The following FBXL20 variants were observed in gnomAD, a reference collection of about 807,000 sequenced individuals.
The protein encoded by FBXL20 is F-box/LRR-repeat protein 20.
In FBXL20, 11 loss-of-function variants were observed where a neutral mutation model predicts 64.0. That is an observed-to-expected ratio of 0.17 (90% CI 0.11 to 0.28). The LOEUF is 0.28. Among genes scored for constraint, FBXL20 ranks in the 10% least tolerant of loss-of-function variants. FBXL20 has a pLI of 1.00. For synonymous variants in FBXL20, 184 were observed against 189.0 expected, an observed-to-expected ratio of 0.97 and a Z score of 0.22; for missense variants, 303 against 526.2, an observed-to-expected ratio of 0.58 and a Z score of 4.15.
intron 1 of FBXL20, among the ~76,000 whole-genome samples, chr17:39,392,166 G>A (rs868270902): frequency 4.6e-5 from 7 of 152,128 alleles, no homozygotes; most frequent in African/African-American, 4.8e-5. Context: ...ACAGCCAGGC[G>A]CAGTGGCTCA....
rs562709820 is a variant in FBXL20 at position 39,388,630 on chromosome 17, C to T, written c.42+12731G>A. 1.1e-4 allele frequency among the ~76,000 whole-genome samples: 17 copies of T among 151,072 alleles called. No individual in the cohort carries two copies. In the East Asian group the frequency reaches 3.2e-3, roughly 29 times the overall value. On this transcript the variant is annotated intron_variant, in intron 1 of 14. Coordinates refer to ENST00000264658, the MANE Select transcript of FBXL20 (RefSeq NM_032875.3). ...TCCCGAGTAGCTGGGACAACAGGCGCCCGCCACCATGCCCAGCTAATTTTT... is the reference window on the plus strand; with the variant it reads ...TCCCGAGTAGCTGGGACAACAGGCGTCCGCCACCATGCCCAGCTAATTTTT...
intron 1 of FBXL20, among the ~76,000 whole-genome samples, chr17:39,400,158 C>A (rs750919719): frequency 6.6e-6 from 1 of 152,178 alleles, no homozygotes; most frequent in Admixed American, 6.5e-5. Flanking sequence ...AAGGCCAATT[C>A]TTTGATTTTC....
At chr17:39,299,589 G>A (rs921159363) in intron 4 of FBXL20, among the ~76,000 whole-genome samples, 1 of 150,944 alleles carries the variant, frequency 6.6e-6, no homozygotes, top group Non-Finnish European at 1.5e-5. Context: ...ACACCATCCT[G>A]GCTAACACGG....
chr17:39,374,315 G>A (rs902719620), intron 1 of FBXL20, among the ~76,000 whole-genome samples: 1 of 151,862 alleles, frequency 6.6e-6, no homozygotes, highest in Non-Finnish European at 1.5e-5. Context: ...GATCGCTTGA[G>A]GTTGGGAGTT....
At chr17:39,322,088 G>T (rs914558353) in intron 2 of FBXL20, among the ~76,000 whole-genome samples, 2 of 149,178 alleles carry the variant, frequency 1.3e-5, no homozygotes, top group Non-Finnish European at 2.9e-5. Context: ...ATGCCTGGAA[G>T]GCCAAGGCAG....
intron 12 of FBXL20, among the ~76,000 whole-genome samples, chr17:39,267,050 C>T (rs919472094): frequency 7.9e-5 from 12 of 151,880 alleles, no homozygotes; most frequent in Non-Finnish European, 1.3e-4. Flanking sequence ...GTCAGGAGTT[C>T]GAGACCAGCC....
At chr17:39,318,478 C>T (rs553934157) in intron 2 of FBXL20, among the ~76,000 whole-genome samples, 6 of 152,256 alleles carry the variant, frequency 3.9e-5, no homozygotes, top group East Asian at 1.9e-4. Flanking sequence ...CGGTGGCTCA[C>T]GCCTGTAATC....
At chr17:39,402,055 G>A, upstream of FBXL20, 2 of 922,242 alleles carry the variant, frequency 2.2e-6, no homozygotes, top group Non-Finnish European at 2.8e-6. Flanking sequence ...GCACGCACCT[G>A]CCTGCACAGA....
intron 14 of FBXL20, among the ~76,000 whole-genome samples, chr17:39,263,311 T>C (rs888800766): frequency 3.9e-5 from 6 of 152,176 alleles, no homozygotes; most frequent in African/African-American, 1.4e-4. Flanking sequence ...GCTCAGGAGT[T>C]TGAAACCGGC....
At chr17:39,262,103 G>T (rs1015510300) in intron 14 of FBXL20, among the ~76,000 whole-genome samples, 1 of 151,898 alleles carries the variant, frequency 6.6e-6, no homozygotes, top group Non-Finnish European at 1.5e-5. Flanking sequence ...TGGTTGACCT[G>T]TGGCTCTCAT....
At chr17:39,286,595 T>C (rs1042738035) in intron 6 of FBXL20, among the ~76,000 whole-genome samples, 2 of 152,124 alleles carry the variant, frequency 1.3e-5, no homozygotes, top group African/African-American at 4.8e-5. Flanking sequence ...GGTCAGGAGT[T>C]CTAGACCAGC....
intron 2 of FBXL20, among the ~76,000 whole-genome samples, chr17:39,326,263 G>A (rs1022789273): frequency 3.3e-5 from 5 of 151,790 alleles, no homozygotes; most frequent in African/African-American, 1.2e-4. Flanking sequence ...TTATGGCAAT[G>A]CAAACGGACT....
At chr17:39,330,972 TGCAAAGA>T (rs2047454749) in intron 2 of FBXL20, among the ~76,000 whole-genome samples, 1 of 152,232 alleles carries the variant, frequency 6.6e-6, no homozygotes, top group South Asian at 2.1e-4. Context: ...CTAGGTACTA[TGCAAAGA>T]GCTTGGGCCT....
At chr17:39,340,435 G>A (rs1385894828) in intron 2 of FBXL20, among the ~76,000 whole-genome samples, 1 of 151,980 alleles carries the variant, frequency 6.6e-6, no homozygotes. Flanking sequence ...TCACCATGTT[G>A]GCCAGGCTGG....
chr17:39,339,349 C>T (rs2144562554), intron 2 of FBXL20, among the ~76,000 whole-genome samples: 1 of 152,072 alleles, frequency 6.6e-6, no homozygotes, highest in Middle Eastern at 3.4e-3. Flanking sequence ...GTACCTGAGT[C>T]CCAGCTACTT....
chr17:39,279,636 C>A (rs1377240797), intron 9 of FBXL20, among the ~76,000 whole-genome samples: 2 of 152,178 alleles, frequency 1.3e-5, no homozygotes, highest in Non-Finnish European at 2.9e-5. Flanking sequence ...TGGCTCACAC[C>A]TGTATTCCCA....
At chr17:39,366,250 ACT>A in intron 1 of FBXL20, among the ~76,000 whole-genome samples, 1 of 151,930 alleles carries the variant, frequency 6.6e-6, no homozygotes, top group South Asian at 2.1e-4. Flanking sequence ...AGGACTATGG[ACT>A]CTTTCTCACC....
chr17:39,394,318 G>A (rs1229312661), intron 1 of FBXL20, among the ~76,000 whole-genome samples: 6 of 138,696 alleles, frequency 4.3e-5, no homozygotes, highest in African/African-American at 5.5e-5. Context: ...TCGCTCTCTC[G>A]CCCAGGCTGG....
At chr17:39,290,141 T>A (rs2047025712) in intron 6 of FBXL20, among the ~76,000 whole-genome samples, 1 of 152,128 alleles carries the variant, frequency 6.6e-6, no homozygotes, top group African/African-American at 2.4e-5. Flanking sequence ...TTACACATTA[T>A]TTTTAAGTTT....
Sources: gnomAD v4.1 joint callset for allele counts (sites outside exome capture counted in the v4.1 genomes callset) on GRCh38, gnomAD v4.1.1 for gene constraint, MANE v1.5 for transcripts, NCBI Gene and HGNC (gene_info 2026-07-23, HGNC 2026-07-21) for gene names.